The following SLC4A4 variants were observed in gnomAD, a reference collection of about 807,000 sequenced individuals.
SLC4A4 encodes the protein solute carrier family 4 member 4.
In SLC4A4, 27 loss-of-function variants were observed where a neutral mutation model predicts 111.5. That is an observed-to-expected ratio of 0.24 (90% CI 0.18 to 0.33). The LOEUF (loss-of-function observed/expected upper bound fraction) is 0.33. Ranked by LOEUF, SLC4A4 falls within the 10% of genes least tolerant of loss-of-function variation. The probability of loss-of-function intolerance (pLI) is 1.00; values close to 1 mark genes in which losing one functional copy is unlikely to be tolerated. For missense variants in SLC4A4, 909 were observed against 1,315.5 expected (o/e 0.69, Z 4.78); for synonymous variants, 443 against 463.4 (o/e 0.96, Z 0.57).
intron 1 of SLC4A4, among the ~76,000 whole-genome samples, chr4:71,204,077 G>A (rs989752141): frequency 6.6e-6 from 1 of 152,200 alleles, no homozygotes; most frequent in Non-Finnish European, 1.5e-5. Flanking sequence ...ATCAAAAGGA[G>A]AGGAAGATTC....
chr4:71,329,426 A>G (rs1727780981), intron 3 of SLC4A4, among the ~76,000 whole-genome samples: 1 of 152,142 alleles, frequency 6.6e-6, no homozygotes, highest in South Asian at 2.1e-4. Flanking sequence ...GGACATTTTA[A>G]CAATATTGAT....
chr4:71,228,102 C>G (rs1213656212), intron 1 of SLC4A4, among the ~76,000 whole-genome samples: 2 of 152,038 alleles, frequency 1.3e-5, no homozygotes, highest in Non-Finnish European at 2.9e-5. Flanking sequence ...CACTTCATAC[C>G]CTCCCCCACA....
rs573677304 is a variant in SLC4A4 at position 71,247,197 on chromosome 4, A to G, written c.74-8023A>G. Among the ~76,000 whole-genome samples the G allele has an allele frequency of 8.3e-4, 123 of 148,232 alleles. 1 individual carries two copies. Among genetic ancestry groups the G allele is most frequent in the African/African-American group, 2.6e-3 (105 of 40,908 alleles). On this transcript the variant is annotated intron_variant, in intron 2 of 25. Transcript: ENST00000264485. ...TATATTTTATAACAAATATAAATTA[A>G]TATTTAATATATTAAATATTTACAT...
chr4:71,391,704 T>A (rs1016969573), intron 6 of SLC4A4, among the ~76,000 whole-genome samples: 14 of 152,094 alleles, frequency 9.2e-5, no homozygotes, highest in African/African-American at 3.4e-4. Context: ...CACTTGAGAC[T>A]GGTTCTTCTT....
chr4:71,415,104 G>C, intron 7 of SLC4A4, among the ~76,000 whole-genome samples: 1 of 152,188 alleles, frequency 6.6e-6, no homozygotes, highest in East Asian at 1.9e-4. Context: ...ATGAGATGCT[G>C]TCTCTTCAAC....
chr4:71,470,125 A>G (rs1052504570), intron 13 of SLC4A4, among the ~76,000 whole-genome samples: 1 of 152,038 alleles, frequency 6.6e-6, no homozygotes, highest in Non-Finnish European at 1.5e-5. Context: ...TGTATTTCTT[A>G]GTTGTTATTC....
intron 2 of SLC4A4, among the ~76,000 whole-genome samples, chr4:71,133,743 A>G (rs971696322): frequency 2.6e-5 from 4 of 152,174 alleles, no homozygotes; most frequent in African/African-American, 9.7e-5. Flanking sequence ...TGATGTAATC[A>G]TCTCCCAGTT....
chr4:71,324,163 A>G (rs1212066506), intron 3 of SLC4A4, among the ~76,000 whole-genome samples: 1 of 151,882 alleles, frequency 6.6e-6, no homozygotes, highest in South Asian at 2.1e-4. Context: ...CTGTGAACCT[A>G]TTTCTTCTCA....
intron 6 of SLC4A4, among the ~76,000 whole-genome samples, chr4:71,363,246 G>T (rs1413937440): frequency 6.6e-6 from 1 of 152,114 alleles, no homozygotes; most frequent in Admixed American, 6.5e-5. Context: ...GTAATTTTAG[G>T]CTCCAGTGAA....
chr4:71,252,796 TG>T, intron 2 of SLC4A4, among the ~76,000 whole-genome samples: 1 of 152,176 alleles, frequency 6.6e-6, no homozygotes, highest in Non-Finnish European at 1.5e-5. Flanking sequence ...TTTGGATTGG[TG>T]GAAATGTTCT....
At position 71,339,499 on chromosome 4, in the gene SLC4A4, C is replaced by G. The variant is rs765014658; in HGVS notation, c.383C>G (p.Thr128Arg). The change falls in exon 4 of 26, where the codon ACA (threonine) becomes AGA (arginine). Residue 128 changes from threonine to arginine, a missense_variant. Physicochemically the swap from Thr to Arg is moderately conservative, Grantham distance 71 (BLOSUM62 -1). Coordinates refer to ENST00000264485, the MANE Select transcript of SLC4A4 (RefSeq NM_001098484.3). ...GGGCAGGAGATGGAGTGGAAGGAAA[C>G]AGCCAGGTGAGGCATAGCTGACTGT... The part of the protein sequence containing the change: ...VDGQEMEWKE[T>R]ARWIKFEEKV... 1.9e-6 allele frequency: 3 copies of G among 1,613,114 alleles called. No individual in the cohort carries two copies. The highest frequency in any genetic ancestry group is 2.5e-6 in the Non-Finnish European group (3 of 1,180,032).
intron 1 of SLC4A4, among the ~76,000 whole-genome samples, chr4:71,075,762 G>A (rs898957672): frequency 1.3e-5 from 2 of 152,036 alleles, no homozygotes; most frequent in Admixed American, 6.6e-5. Flanking sequence ...AAGGTCAGGA[G>A]TTCAACATCT....
At position 71,244,817 on chromosome 4, in the gene SLC4A4, T is replaced by G. The variant is rs150633842; in HGVS notation, c.73+8168T>G. Among the ~76,000 whole-genome samples, 59 of 152,074 alleles carry G rather than the reference T, an allele frequency of 3.9e-4. No individual in the cohort carries two copies. In the East Asian group the frequency reaches 0.011, roughly 28 times the overall value. Reference sequence around the variant, plus strand: ...AGCCGATCAAAATGGTAAGAACAGTTGCAGGTGTGACCTCTAATATGTTGC... The same window carrying G: ...AGCCGATCAAAATGGTAAGAACAGTGGCAGGTGTGACCTCTAATATGTTGC... On this transcript the variant is annotated intron_variant, in intron 2 of 25. Coordinates refer to ENST00000264485, the MANE Select transcript of SLC4A4 (RefSeq NM_001098484.3).
chr4:71,224,749 G>A (rs753701322), intron 1 of SLC4A4, among the ~76,000 whole-genome samples: 91 of 152,120 alleles, frequency 6.0e-4, no homozygotes, highest in Admixed American at 1.3e-4. Flanking sequence ...ATTATAAGAA[G>A]GCATATATGT....
chr4:71,150,326 T>C (rs1744281275), intron 2 of SLC4A4, among the ~76,000 whole-genome samples: 1 of 151,986 alleles, frequency 6.6e-6, no homozygotes. Context: ...AGCCATATGT[T>C]AAGATGTGGT....
intron 16 of SLC4A4, among the ~76,000 whole-genome samples, chr4:71,506,714 G>A (rs1339644697): frequency 3.3e-5 from 5 of 152,140 alleles, no homozygotes; most frequent in Admixed American, 2.6e-4. Context: ...AGCTAGACAG[G>A]CCAATATTCA....
intron 2 of SLC4A4, among the ~76,000 whole-genome samples, chr4:71,147,858 A>G (rs1367428095): frequency 6.6e-6 from 1 of 152,134 alleles, no homozygotes; most frequent in Non-Finnish European, 1.5e-5. Context: ...TGGTAAATGT[A>G]CTAGTCTGGC....
intron 20 of SLC4A4, among the ~76,000 whole-genome samples, chr4:71,552,489 G>C (rs140374145): frequency 6.6e-6 from 1 of 151,590 alleles, no homozygotes; most frequent in Non-Finnish European, 1.5e-5. Flanking sequence ...CCCTTTTCTC[G>C]TTTACTCTTC....
At chr4:71,187,686 A>G (rs931870339) in intron 1 of SLC4A4, among the ~76,000 whole-genome samples, 3 of 152,122 alleles carry the variant, frequency 2.0e-5, no homozygotes, top group Admixed American at 6.5e-5. Context: ...CCTGCGCGCA[A>G]CTGGGCGTCT....
Sources: gnomAD v4.1 joint callset for allele counts (sites outside exome capture counted in the v4.1 genomes callset) on GRCh38, gnomAD v4.1.1 for gene constraint, MANE v1.5 for transcripts, NCBI Gene and HGNC (gene_info 2026-07-23, HGNC 2026-07-21) for gene names.